MOBP: variants seen among roughly 807,000 people sequenced by gnomAD.
The protein encoded by MOBP is myelin-associated oligodendrocyte basic protein.
Under a neutral mutation model 15.0 loss-of-function variants are expected in MOBP, and 5 were observed. That is an observed-to-expected ratio of 0.33 (90% CI 0.17 to 0.70). The LOEUF (loss-of-function observed/expected upper bound fraction) is 0.70, where lower values mean the gene tolerates loss of function less well. MOBP is among the 30% of genes least tolerant of loss of function. The pLI is 0.67. For missense variants in MOBP, 188 were observed against 257.8 expected (o/e 0.73, Z 1.85); for synonymous variants, 88 against 99.0 (o/e 0.89, Z 0.66).
At chr3:39,515,148 A>T (rs1029216466) in exon 5 of MOBP, 1 of 152,296 alleles carries the variant, frequency 6.6e-6, no homozygotes, top group Non-Finnish European at 1.5e-5. Context: ...CTGTATGCTG[A>T]CACACCCCCT....
chr3:39,511,183 T>C (rs769943616), intron 4 of MOBP, among the ~76,000 whole-genome samples: 7 of 152,326 alleles, frequency 4.6e-5, no homozygotes, highest in Admixed American at 6.5e-5. Context: ...GCTCTAGGGA[T>C]TGGATTTACA....
intron 1 of MOBP, among the ~76,000 whole-genome samples, chr3:39,473,797 C>T (rs2042503619): frequency 6.6e-6 from 1 of 152,168 alleles, no homozygotes; most frequent in African/African-American, 2.4e-5. Flanking sequence ...TGTATCAAAA[C>T]ATCACACACT....
rs1046942989 is a variant in MOBP at position 39,491,941 on chromosome 3, A to G, written c.-4-10125A>G. Among the ~76,000 whole-genome samples, 9 of 152,296 alleles carry G rather than the reference A, an allele frequency of 5.9e-5. No individual in the cohort carries two copies. The South Asian group carries it at 1.9e-3, about 32-fold the overall frequency. ...GTGTGTGTATGAGGGGCAGTGACAC[A>G]CTTCAACAGGAATAGTGTAGTGGGG... On this transcript the variant is annotated intron_variant, in intron 2 of 3. Coordinates refer to ENST00000684792, the MANE Select transcript of MOBP (RefSeq NM_001393704.1).
At chr3:39,469,131 TG>T in intron 1 of MOBP, among the ~76,000 whole-genome samples, 2 of 82,916 alleles carry the variant, frequency 2.4e-5, no homozygotes, top group East Asian at 5.0e-4. Flanking sequence ...TATACATATG[TG>T]TGTGTATATA....
intron 1 of MOBP, among the ~76,000 whole-genome samples, chr3:39,474,550 A>G (rs754443903): frequency 6.6e-6 from 1 of 152,214 alleles, no homozygotes; most frequent in Non-Finnish European, 1.5e-5. Flanking sequence ...TGTTGTTTAA[A>G]TGATCCCTCA....
chr3:39,486,338 C>T (rs1193278419), intron 2 of MOBP, among the ~76,000 whole-genome samples: 1 of 152,202 alleles, frequency 6.6e-6, no homozygotes, highest in Non-Finnish European at 1.5e-5. Flanking sequence ...GTTTGTATCT[C>T]ATTCCACGTG....
intron 4 of MOBP, chr3:39,524,423 A>G (rs2043303699): frequency 6.6e-6 from 1 of 152,016 alleles, no homozygotes; most frequent in Non-Finnish European, 1.5e-5. Context: ...GTACAGATTT[A>G]TTTTTATTTA....
In MOBP at chr3:39,502,881, C is replaced by T. The variant is rs2042995799; in HGVS notation, c.*1C>T. 8.3e-7 allele frequency: 1 copy of T among 1,209,032 alleles called. No homozygotes were observed. The highest frequency in any genetic ancestry group is 1.1e-6 in the Non-Finnish European group (1 of 877,208). 74.9% of individuals were successfully genotyped at this position (1,209,032 alleles called of 1,614,324 possible). A position where few individuals can be genotyped will look rare whatever the true frequency, so the allele number is the denominator to read the frequency against. Reference sequence around the variant, plus strand: ...CGTCAAAGCTTCTAGGTTCTGGTAACACCATCTCTTCCCTTTTGTTCCCCA... The same window carrying T: ...CGTCAAAGCTTCTAGGTTCTGGTAATACCATCTCTTCCCTTTTGTTCCCCA... On this transcript the variant is annotated 3_prime_UTR_variant, in exon 4 of 4. Transcript: ENST00000684792. The surrounding 1 kb of genome is among the most constrained non-coding windows in gnomAD (Gnocchi z 6.3).
intron 2 of MOBP, among the ~76,000 whole-genome samples, chr3:39,491,172 A>G (rs1247696920): frequency 1.3e-5 from 2 of 152,172 alleles, no homozygotes; most frequent in African/African-American, 4.8e-5. Context: ...AGTGTTAGGT[A>G]TGTCGCAGTG....
At chr3:39,483,920 G>C (rs1187653115) in intron 2 of MOBP, among the ~76,000 whole-genome samples, 1 of 152,162 alleles carries the variant, frequency 6.6e-6, no homozygotes, top group African/African-American at 2.4e-5. Flanking sequence ...CATCCCAGAG[G>C]ACAGAAGCAC....
intron 1 of MOBP, among the ~76,000 whole-genome samples, chr3:39,476,074 A>G (rs905364792): frequency 6.6e-6 from 1 of 152,186 alleles, no homozygotes; most frequent in Admixed American, 6.5e-5. Context: ...GAAGCTTCCA[A>G]TCATCACAGA....
intron 2 of MOBP, among the ~76,000 whole-genome samples, chr3:39,494,043 G>A (rs927432709): frequency 7.2e-5 from 11 of 152,202 alleles, no homozygotes; most frequent in Non-Finnish European, 1.0e-4. Context: ...TGACTAGAAT[G>A]TGGTCACATG....
chr3:39,480,866 C>T (rs2042618350), intron 2 of MOBP, among the ~76,000 whole-genome samples: 1 of 152,186 alleles, frequency 6.6e-6, no homozygotes, highest in Non-Finnish European at 1.5e-5. Flanking sequence ...CAAACTACTC[C>T]ATCAAGCAAA....
At chr3:39,524,845 A>T (rs1344864701) in exon 5 of MOBP, 1 of 152,232 alleles carries the variant, frequency 6.6e-6, no homozygotes, top group African/African-American at 2.4e-5. Context: ...TGGTATATTT[A>T]TAAATAAAAA....
chr3:39,497,642 T>C (rs1708032), intron 2 of MOBP, among the ~76,000 whole-genome samples: 44,047 of 152,102 alleles, frequency 0.29, 7,579 homozygotes, highest in African/African-American at 0.48. Flanking sequence ...TTGTTAATAA[T>C]GCCACATTAA....
chr3:39,486,992 G>C (rs1171771076), intron 2 of MOBP, among the ~76,000 whole-genome samples: 1 of 149,624 alleles, frequency 6.7e-6, no homozygotes, highest in East Asian at 2.0e-4. Flanking sequence ...CCAGGCTAGA[G>C]TGCAGTGGTG....
At chr3:39,501,231 T>C (rs370435258) in intron 2 of MOBP, among the ~76,000 whole-genome samples, 56 of 152,352 alleles carry the variant, frequency 3.7e-4, no homozygotes, top group African/African-American at 1.3e-3. Context: ...ACTGCACATA[T>C]GCATCTCCAA....
At chr3:39,490,677 C>G (rs1321610612) in intron 2 of MOBP, among the ~76,000 whole-genome samples, 3 of 152,300 alleles carry the variant, frequency 2.0e-5, no homozygotes, top group East Asian at 3.9e-4. Context: ...ATTCTCATGC[C>G]TTGGCCTCCC....
In MOBP at chr3:39,502,375, CGGCTCCGGGTTA is replaced by C. The variant is rs2042984463; in HGVS notation, c.206+108_206+119del. ...TCCGCACCCCACTCTTCCCCCTAGT[CGGCTCCGGGTTA>C]GGCTCCGACACCGGAAGGCACTCCA... On this transcript the variant is annotated intron_variant, in intron 3 of 3. Coordinates refer to ENST00000684792, the MANE Select transcript of MOBP (RefSeq NM_001393704.1). This position sits in a 1 kb window ranked among gnomAD's most constrained non-coding sequence, Gnocchi z 6.3. 7.7e-6 allele frequency: 12 copies of C among 1,562,176 alleles called. No individual in the cohort carries two copies. The South Asian group carries it at 1.3e-4, about 17-fold the overall frequency.
Sources: allele counts gnomAD v4.1 joint callset (sites outside exome capture counted in the v4.1 genomes callset), GRCh38; gene constraint gnomAD v4.1.1; non-coding constraint Gnocchi (gnomAD v3.1); transcripts MANE v1.5; gene names NCBI Gene and HGNC (gene_info 2026-07-23, HGNC 2026-07-21).